Variants in RIPOR3 observed in about 807,000 individuals in gnomAD.
The protein encoded by RIPOR3 is RIPOR family member 3.
A neutral mutation model predicts 114.3 loss-of-function variants in RIPOR3; 95 were observed. The ratio of observed to expected loss-of-function variants is 0.83; its 90% CI spans 0.70 to 0.99. RIPOR3 has a LOEUF of 0.99. Ranked by LOEUF, RIPOR3 falls within the 50% of genes least tolerant of loss-of-function variation. RIPOR3 has a pLI of 0.00. For missense variants in RIPOR3, 1,252 were observed against 1,266.9 expected (o/e 0.99, Z 0.18); for synonymous variants, 575 against 543.8 (o/e 1.06, Z -0.80).
At chr20:50,626,626 C>T (rs1178573534) in intron 2 of RIPOR3, among the ~76,000 whole-genome samples, 2 of 152,218 alleles carry the variant, frequency 1.3e-5, no homozygotes, top group East Asian at 1.9e-4. Flanking sequence ...CATTCAGAGG[C>T]CCCCACAGGC....
chr20:50,673,558 T>G (rs1489680832), intron 1 of RIPOR3, among the ~76,000 whole-genome samples: 2 of 152,182 alleles, frequency 1.3e-5, no homozygotes, highest in Admixed American at 6.5e-5. Flanking sequence ...TCTCTGGAAA[T>G]GACCCTCCTT....
intron 1 of RIPOR3, among the ~76,000 whole-genome samples, chr20:50,632,749 C>T (rs530251204): frequency 6.6e-6 from 1 of 152,324 alleles, no homozygotes; most frequent in African/African-American, 2.4e-5. Flanking sequence ...TGATCTAATT[C>T]CATAGATGAG....
intron 1 of RIPOR3, among the ~76,000 whole-genome samples, chr20:50,651,169 C>A (rs1255648625): frequency 6.6e-6 from 1 of 152,036 alleles, no homozygotes; most frequent in Non-Finnish European, 1.5e-5. Context: ...CCATTGCAGG[C>A]TTTGGAGGTG....
At chr20:50,627,716 G>A (rs553590104) in intron 2 of RIPOR3, among the ~76,000 whole-genome samples, 41 of 152,134 alleles carry the variant, frequency 2.7e-4, no homozygotes, top group Middle Eastern at 3.4e-3. Flanking sequence ...GGGGTGGGAG[G>A]ATCATTTGAA....
chr20:50,594,701 G>A lies in RIPOR3; in HGVS notation c.2064C>T (p.Ala688=). 6.2e-7 allele frequency: 1 copy of A among 1,611,374 alleles called. No individual in the cohort carries two copies. The highest frequency in any genetic ancestry group is 1.1e-5 in the South Asian group (1 of 91,010). Residue 688 remains alanine (A), a synonymous_variant, in exon 17 of 22, where the codon GCC becomes GCT. Transcript: ENST00000327979. The part of the protein sequence containing the change: ...ATSIEEIIPQ[A]SRTKGCLKLW... The stretch of plus-strand genomic sequence containing the variant: ...GCTTCAGGCACCCCTTCGTCCGCGA[G>A]GCCTGTGGGATGACTGAAAGCCCCA...
chr20:50,596,017 C>T (rs992158525), intron 15 of RIPOR3, 123 bp downstream of exon 15: 19 of 1,393,084 alleles, frequency 1.4e-5, no homozygotes, highest in African/African-American at 2.8e-5. Flanking sequence ...TTCAGTCTCA[C>T]GGGCTTCCAG....
chr20:50,687,902 C>CAA (rs11287738), intron 1 of RIPOR3, among the ~76,000 whole-genome samples: 4 of 128,934 alleles, frequency 3.1e-5, no homozygotes, highest in Non-Finnish European at 5.0e-5. Context: ...GACTCCATCT[C>CAA]AAAAAAAAAA....
rs1216647912 is a variant in RIPOR3, at chr20:50,602,238, T to C, written c.1493A>G (p.Gln498Arg). The change falls in exon 13 of 22, where the codon CAG becomes CGG. Residue 498 changes from glutamine to arginine, a missense_variant. Physicochemically the swap from Gln to Arg is conservative, Grantham distance 43. Coordinates refer to ENST00000327979, the MANE Select transcript of RIPOR3 (RefSeq NM_001290268.2). This position sits in a 1 kb window ranked among gnomAD's most constrained non-coding sequence, Gnocchi z 4.3. The stretch of plus-strand genomic sequence containing the variant: ...GGTTGCCCCTTCCTCGTGGCCGTTC[T>C]GGCTACTCGAGGCTGTGCCGCTGTG... ...LFHSGTASSS[Q>R]NGHEEGATGD... 4.3e-6 allele frequency: 7 copies of C among 1,613,944 alleles called. No homozygotes were observed. The highest frequency in any genetic ancestry group is 5.9e-6 in the Non-Finnish European group (7 of 1,179,962).
At chr20:50,676,519 G>A (rs1207615985) in intron 1 of RIPOR3, among the ~76,000 whole-genome samples, 2 of 152,110 alleles carry the variant, frequency 1.3e-5, no homozygotes, top group Admixed American at 6.6e-5. Context: ...AGACATGGTG[G>A]TGCATGCCTG....
chr20:50,604,168 A>G, intron 12 of RIPOR3, among the ~76,000 whole-genome samples: 1 of 151,512 alleles, frequency 6.6e-6, no homozygotes, highest in Non-Finnish European at 1.5e-5. Context: ...CTGGGAGACA[A>G]GAGCGAAACT....
At chr20:50,659,234 CAT>C (rs1367908351) in intron 1 of RIPOR3, among the ~76,000 whole-genome samples, 15 of 152,322 alleles carry the variant, frequency 9.8e-5, no homozygotes, top group African/African-American at 1.7e-4. Context: ...ATGGTGGACA[CAT>C]GTGCTTGTTG....
chr20:50,681,275 G>GAAAAAAAAA (rs34596961), intron 1 of RIPOR3, among the ~76,000 whole-genome samples: 1 of 135,126 alleles, frequency 7.4e-6, no homozygotes, highest in African/African-American at 2.8e-5. Context: ...TAAGGCACTA[G>GAAAAAAAAA]AAAAAAAAAA....
At chr20:50,618,267 T>A (rs1442399453) in intron 3 of RIPOR3, among the ~76,000 whole-genome samples, 1 of 79,342 alleles carries the variant, frequency 1.3e-5, no homozygotes, top group African/African-American at 9.5e-5. Context: ...TGAGACTCCG[T>A]CTCAAAAAAA....
At chr20:50,627,492 A>G (rs192066643) in intron 2 of RIPOR3, among the ~76,000 whole-genome samples, 3 of 148,966 alleles carry the variant, frequency 2.0e-5, no homozygotes, top group Admixed American at 2.0e-4. Context: ...CCTGGGCAAC[A>G]GAGCGAGACT....
At chr20:50,592,988 C>T in intron 18 of RIPOR3, 47 bp downstream of exon 18, 1 of 1,603,682 alleles carries the variant, frequency 6.2e-7, no homozygotes, top group Non-Finnish European at 8.5e-7. Context: ...TGTGACAGGG[C>T]TCCGTGGATA....
chr20:50,587,107 A>G lies in RIPOR3; in HGVS notation c.*125T>C. The G allele has an allele frequency of 1.4e-6, 1 of 719,284 alleles. No homozygotes were observed. 44.6% of individuals were successfully genotyped at this position (719,284 alleles called of 1,614,324 possible). On this transcript the variant is annotated 3_prime_UTR_variant, in exon 22 of 22. Transcript: ENST00000327979. ...TGGGTCAATGGCCGGAGTCTCAGGT[A>G]GAGCTCTGGGCAGCTCACACTCCTG...
chr20:50,628,772 G>A (rs1049952791), intron 2 of RIPOR3, among the ~76,000 whole-genome samples: 6 of 152,204 alleles, frequency 3.9e-5, no homozygotes, highest in African/African-American at 1.2e-4. Flanking sequence ...TATCTGCTGC[G>A]TGAACAGGGA....
chr20:50,681,240 AAAG>A lies in RIPOR3; in HGVS notation c.3+9883_3+9885del, dbSNP rs1446073816. The stretch of plus-strand genomic sequence containing the variant: ...ACTCTGTCTCAAAAAAAAAAAAAAA[AAAG>A]AAAAGAAAAGAAAAGAAACAATAAG... On this transcript the variant is annotated intron_variant, in intron 1 of 21. Coordinates refer to ENST00000327979, the MANE Select transcript of RIPOR3 (RefSeq NM_001290268.2). 3.5e-4 allele frequency among the ~76,000 whole-genome samples: 43 copies of A among 122,546 alleles called. 2 individuals are homozygous for A. Among genetic ancestry groups the A allele is most frequent in the African/African-American group, 7.4e-4 (25 of 33,730 alleles). 80.4% of individuals were successfully genotyped at this position (122,546 alleles called of 152,430 possible).
chr20:50,642,771 A>C (rs992855734), intron 1 of RIPOR3, among the ~76,000 whole-genome samples: 3 of 152,030 alleles, frequency 2.0e-5, no homozygotes, highest in African/African-American at 7.2e-5. Context: ...ATCAGAGGCC[A>C]GGTGCTGTGG....
Sources: allele counts gnomAD v4.1 joint callset (sites outside exome capture counted in the v4.1 genomes callset), GRCh38; gene constraint gnomAD v4.1.1; non-coding constraint Gnocchi (gnomAD v3.1); transcripts MANE v1.5; gene names NCBI Gene and HGNC (gene_info 2026-07-23, HGNC 2026-07-21).